MRPL30: variants seen among roughly 807,000 people sequenced by gnomAD.
The protein encoded by MRPL30 is mitochondrial ribosomal protein L30.
Under a neutral mutation model 17.2 loss-of-function variants are expected in MRPL30, and 10 were observed. That is an observed-to-expected ratio of 0.58 (90% CI 0.36 to 0.99). The LOEUF (loss-of-function observed/expected upper bound fraction) is 0.99, where lower values mean the gene tolerates loss of function less well. Ranked by LOEUF, MRPL30 falls within the 50% of genes least tolerant of loss-of-function variation. The pLI is 0.01. For synonymous variants in MRPL30, 61 were observed against 62.1 expected, an observed-to-expected ratio of 0.98 and a Z score of 0.08; for missense variants, 170 against 189.8, an observed-to-expected ratio of 0.90 and a Z score of 0.61.
At position 99,195,286 on chromosome 2, in the gene MRPL30, TA is replaced by T. The variant is rs542063515; in HGVS notation, c.353+103del. 5.4e-4 allele frequency: 634 copies of T among 1,167,474 alleles called. 2 individuals are homozygous for T. The highest frequency in any genetic ancestry group is 1.4e-3 in the South Asian group (89 of 65,632). The allele number at this position is 1,167,474 out of a possible 1,614,324, so 72.3% of individuals were successfully genotyped here. The stretch of plus-strand genomic sequence containing the variant: ...CGTTAATGTTCTGAAAAAAACTTTT[TA>T]AAAAACTAAAATTTTATTTTGTTTT... On this transcript the variant is annotated intron_variant, in intron 5 of 5. Transcript: ENST00000338148.
Position 99,195,808 on chromosome 2 carries a change from G to T in MRPL30, c.*103G>T. On this transcript the variant is annotated 3_prime_UTR_variant, in exon 6 of 6. Coordinates refer to ENST00000338148, the MANE Select transcript of MRPL30 (RefSeq NM_145212.4). ...GTTTTCAAAACCATTTTCAGGCCGG[G>T]CACGGTGGCTCACCTGTAATCCCAG... is the stretch of plus-strand genomic sequence containing the variant. The T allele has an allele frequency of 6.5e-7, 1 of 1,541,942 alleles. No homozygotes were observed. Among genetic ancestry groups the T allele is most frequent in the Non-Finnish European group, 8.8e-7 (1 of 1,141,116 alleles).
At chr2:99,194,663 ATG>A (rs2105249438) in intron 3 of MRPL30, 86 bp from the exon 4 acceptor site, 43 of 1,126,464 alleles carry the variant, frequency 3.8e-5, no homozygotes, top group Non-Finnish European at 4.7e-5. Context: ...GTAGTTGTGT[ATG>A]TGTGTGTGTC....
rs1411911652 is a variant in MRPL30 at position 99,188,262 on chromosome 2, G to A, written c.132+5G>A. The A allele has an allele frequency of 6.3e-7, 1 of 1,596,588 alleles. No homozygotes were observed. The highest frequency in any genetic ancestry group is 2.2e-5 in the East Asian group (1 of 44,626). Reference sequence around the variant, plus strand: ...AGATCAAGAATTCCAGAAAAAGTAAGAACAAAGTTTGATTTTTTTAATGTT... The same window carrying A: ...AGATCAAGAATTCCAGAAAAAGTAAAAACAAAGTTTGATTTTTTTAATGTT... On this transcript the variant is annotated splice_donor_5th_base_variant and intron_variant, in intron 3 of 5. Transcript: ENST00000338148.
chr2:99,189,863 C>T (rs997774234), intron 3 of MRPL30, among the ~76,000 whole-genome samples: 1 of 151,876 alleles, frequency 6.6e-6, no homozygotes, highest in African/African-American at 2.4e-5. Context: ...TACAACCATC[C>T]ATCTCCAGAA....
At chr2:99,189,992 G>A (rs1477465982) in intron 3 of MRPL30, among the ~76,000 whole-genome samples, 1 of 152,102 alleles carries the variant, frequency 6.6e-6, no homozygotes, top group East Asian at 1.9e-4. Context: ...GGGTGTTGTG[G>A]TACACACCTG....
Position 99,195,744 on chromosome 2 carries a change from T to C in MRPL30, c.*39T>C. The stretch of plus-strand genomic sequence containing the variant: ...TCCGATTGGAAAATGCAAATTGTTT[T>C]TATTTAAAGATGGTGAGAAAGTGTT... On this transcript the variant is annotated 3_prime_UTR_variant, in exon 6 of 6. Coordinates refer to ENST00000338148, the MANE Select transcript of MRPL30 (RefSeq NM_145212.4). The C allele has an allele frequency of 6.2e-7, 1 of 1,606,376 alleles. No homozygotes were observed. Among genetic ancestry groups the C allele is most frequent in the Non-Finnish European group, 8.5e-7 (1 of 1,178,372 alleles).
At chr2:99,195,254 CT>C (rs1411935158) in intron 5 of MRPL30, 65 bp downstream of exon 5, 3 of 1,423,352 alleles carry the variant, frequency 2.1e-6, no homozygotes, top group Non-Finnish European at 2.9e-6. Flanking sequence ...ATGCATTTTT[CT>C]TTTTTCGTTA....
At chr2:99,181,780 AGGCAGTAATGAG>A (rs1457459146) in intron 1 of MRPL30, among the ~76,000 whole-genome samples, 1 of 152,038 alleles carries the variant, frequency 6.6e-6, no homozygotes, top group African/African-American at 2.4e-5. Context: ...TTTTGCCAAG[AGGCAGTAATGAG>A]GGCTGCCTAC....
chr2:99,186,166 A>C lies in MRPL30; in HGVS notation c.-27-11A>C. 2 of 1,601,304 alleles carry C rather than the reference A, an allele frequency of 1.2e-6. No individual in the cohort carries two copies. The highest frequency in any genetic ancestry group is 1.7e-6 in the Non-Finnish European group (2 of 1,169,190). On this transcript the variant is annotated splice_polypyrimidine_tract_variant and intron_variant, in intron 1 of 5. Transcript: ENST00000338148. ...TAGTTGACTGATGGGTCTACTTCCTACTTCCCACAGCCTCTAAAGAGAGCA... is the reference window on the plus strand; with the variant it reads ...TAGTTGACTGATGGGTCTACTTCCTCCTTCCCACAGCCTCTAAAGAGAGCA...
chr2:99,191,157 C>T (rs1178209744), intron 3 of MRPL30, among the ~76,000 whole-genome samples: 1 of 152,068 alleles, frequency 6.6e-6, no homozygotes, highest in Non-Finnish European at 1.5e-5. Context: ...CAGGCATGTG[C>T]CACCACACCC....
Position 99,191,790 on chromosome 2 carries a change from G to C in MRPL30, c.133-2961G>C, listed in dbSNP as rs142936618. Among the ~76,000 whole-genome samples, 19 of 152,224 alleles carry C rather than the reference G, an allele frequency of 1.2e-4. No homozygotes were observed. The East Asian group carries it at 3.5e-3, about 28-fold the overall frequency. On this transcript the variant is annotated intron_variant, in intron 3 of 5. Transcript: ENST00000338148. ...CTTCATTAACTCTGTATCCCCAGCGGTAATTTCTAAAGGCTCAACATAGTC... is the reference window on the plus strand; with the variant it reads ...CTTCATTAACTCTGTATCCCCAGCGCTAATTTCTAAAGGCTCAACATAGTC...
intron 3 of MRPL30, among the ~76,000 whole-genome samples, chr2:99,189,953 C>G (rs1040813144): frequency 8.4e-6 from 1 of 118,668 alleles, no homozygotes; most frequent in Non-Finnish European, 1.9e-5. Flanking sequence ...GAGACCCAGT[C>G]TCTACCAAAA....
chr2:99,185,922 T>C (rs2093933103), intron 1 of MRPL30: 4 of 474,480 alleles, frequency 8.4e-6, no homozygotes, highest in Non-Finnish European at 1.6e-5. Context: ...CTTTAAATGA[T>C]AGTAATTTTG....
At chr2:99,192,598 G>A (rs1405755253) in intron 3 of MRPL30, among the ~76,000 whole-genome samples, 4 of 152,198 alleles carry the variant, frequency 2.6e-5, no homozygotes, top group Admixed American at 2.6e-4. Flanking sequence ...GTATTCCATG[G>A]TGTATATGTA....
Position 99,186,348 on chromosome 2 carries a change from T to G in MRPL30, c.51+94T>G. Reference sequence around the variant, plus strand: ...CAAGCTAAGTTCTTTTTTTTATTTTTTTGAGACGAAGTCTCTCTCTGTCAC... The same window carrying G: ...CAAGCTAAGTTCTTTTTTTTATTTTGTTGAGACGAAGTCTCTCTCTGTCAC... On this transcript the variant is annotated intron_variant, in intron 2 of 5. Transcript: ENST00000338148. 40 of 1,240,182 alleles carry G rather than the reference T, an allele frequency of 3.2e-5. 1 individual carries two copies. In the South Asian group the frequency reaches 5.2e-4, roughly 16 times the overall value. 76.8% of individuals were successfully genotyped at this position (1,240,182 alleles called of 1,614,324 possible).
chr2:99,182,758 C>CA (rs942142243), intron 1 of MRPL30, among the ~76,000 whole-genome samples: 5 of 152,240 alleles, frequency 3.3e-5, no homozygotes, highest in Admixed American at 2.6e-4. Flanking sequence ...AGTTATTCTG[C>CA]AAAAATATAT....
In MRPL30 at chr2:99,192,333, A is replaced by G. The variant is rs566563156; in HGVS notation, c.133-2418A>G. 1.5e-4 allele frequency among the ~76,000 whole-genome samples: 23 copies of G among 152,192 alleles called. 1 individual carries two copies. The East Asian group carries it at 4.1e-3, about 27-fold the overall frequency. On this transcript the variant is annotated intron_variant, in intron 3 of 5. Coordinates refer to ENST00000338148, the MANE Select transcript of MRPL30 (RefSeq NM_145212.4). ...GTGCAGATTTGTCACATAGGTATAT[A>G]TGTGCCATGGTGGTTTGCTGCACCT...
chr2:99,183,703 C>A (rs557238344), intron 1 of MRPL30, among the ~76,000 whole-genome samples: 8 of 152,230 alleles, frequency 5.3e-5, no homozygotes, highest in Admixed American at 3.3e-4. Context: ...TATGGAGTTT[C>A]TGTATATGCT....
chr2:99,194,850 C>T lies in MRPL30; in HGVS notation c.232C>T (p.Arg78Cys), dbSNP rs2093952541. Reference protein sequence around the residue: ...IVTRIKSTRRRPYWEKDIIKM... With the variant: ...IVTRIKSTRRCPYWEKDIIKM... Reference sequence around the variant, plus strand: ...TACCAGAATAAAAAGTACAAGAAGACGTCCATATTGGGAAAAAGATATAAT... The same window carrying T: ...TACCAGAATAAAAAGTACAAGAAGATGTCCATATTGGGAAAAAGATATAAT... Residue 78 changes from arginine to cysteine, a missense_variant, in exon 4 of 6, where the codon CGT (arginine) becomes TGT (cysteine). Coordinates refer to ENST00000338148, the MANE Select transcript of MRPL30 (RefSeq NM_145212.4). 5.0e-6 allele frequency: 8 copies of T among 1,586,946 alleles called. No homozygotes were observed. The highest frequency in any genetic ancestry group is 2.7e-5 in the African/African-American group (2 of 73,238).
Sources: gnomAD v4.1 joint callset for allele counts (sites outside exome capture counted in the v4.1 genomes callset) on GRCh38, gnomAD v4.1.1 for gene constraint, MANE v1.5 for transcripts, NCBI Gene and HGNC (gene_info 2026-07-23, HGNC 2026-07-21) for gene names.